RBFOX1: variants seen among roughly 807,000 people sequenced by gnomAD.
RBFOX1 encodes RNA binding protein fox-1 homolog 1.
A neutral mutation model predicts 57.7 loss-of-function variants in RBFOX1; 8 were observed. The observed-to-expected ratio is 0.14, with a 90% CI of 0.08 to 0.25. The LOEUF (loss-of-function observed/expected upper bound fraction) is 0.25. RBFOX1 is among the 10% of genes least tolerant of loss of function. The pLI is 1.00. For missense variants in RBFOX1, 611 were observed against 548.5 expected (o/e 1.11, Z -1.14); for synonymous variants, 326 against 222.4 (o/e 1.47, Z -4.15).
intron 2 of RBFOX1, among the ~76,000 whole-genome samples, chr16:6,593,183 A>G (rs914102209): frequency 7.3e-5 from 11 of 151,700 alleles, no homozygotes; most frequent in African/African-American, 2.7e-4. Context: ...CAGGAGTGAA[A>G]CTCTGTCTCA....
chr16:7,154,685 TTGTG>T (rs56742260), intron 4 of RBFOX1, among the ~76,000 whole-genome samples: 11,635 of 142,928 alleles, frequency 0.081, 501 homozygotes, highest in Middle Eastern at 0.13. Context: ...CCCTCTTCCT[TTGTG>T]TGTGTGTGTG....
Position 6,861,550 on chromosome 16 carries a change from G to C in RBFOX1, c.-15-190507G>C, listed in dbSNP as rs183965971. 1.8e-3 allele frequency among the ~76,000 whole-genome samples: 258 copies of C among 139,462 alleles called. 5 individuals carry two copies. The highest frequency in any genetic ancestry group is 0.012 in the Middle Eastern group (3 of 260). 91.5% of individuals were successfully genotyped at this position (139,462 alleles called of 152,430 possible). On this transcript the variant is annotated intron_variant, in intron 3 of 15. Transcript: ENST00000550418. Reference sequence around the variant, plus strand: ...TCTCAATGTTCCTTTAACTGGGCACGTTCAGTGTTAGCATCTTAGGCTCTC... The same window carrying C: ...TCTCAATGTTCCTTTAACTGGGCACCTTCAGTGTTAGCATCTTAGGCTCTC...
At chr16:6,122,984 T>C (rs1449141130) in intron 1 of RBFOX1, among the ~76,000 whole-genome samples, 3 of 151,560 alleles carry the variant, frequency 2.0e-5, no homozygotes, top group Non-Finnish European at 4.4e-5. Context: ...ATTGGAAATA[T>C]GTAAACTGCT....
At chr16:6,300,932 C>A (rs901632660) in intron 1 of RBFOX1, among the ~76,000 whole-genome samples, 1 of 152,154 alleles carries the variant, frequency 6.6e-6, no homozygotes. Flanking sequence ...CCTAACTGTA[C>A]CTGGCATCAT....
chr16:5,739,210 G>A (rs1365690073), intron 3 of RBFOX1, among the ~76,000 whole-genome samples: 1 of 152,212 alleles, frequency 6.6e-6, no homozygotes, highest in Admixed American at 6.5e-5. Context: ...AAGGAAGGAT[G>A]AAAGAAAAAT....
intron 1 of RBFOX1, among the ~76,000 whole-genome samples, chr16:5,346,509 C>T (rs933337460): frequency 9.9e-5 from 15 of 152,218 alleles, no homozygotes; most frequent in African/African-American, 3.1e-4. Flanking sequence ...GAGAGAGAAC[C>T]GCAAGAGCAA....
At chr16:7,561,971 G>C (rs12932136) in intron 5 of RBFOX1, among the ~76,000 whole-genome samples, 49,476 of 151,954 alleles carry the variant, frequency 0.33, 9,774 homozygotes, top group East Asian at 0.63. Context: ...CTTGATTTCT[G>C]AGTGGGACAG....
intron 1 of RBFOX1, among the ~76,000 whole-genome samples, chr16:6,106,520 C>T (rs1036194573): frequency 2.7e-5 from 4 of 147,524 alleles, no homozygotes; most frequent in African/African-American, 1.0e-4. Flanking sequence ...AAGAATAGTA[C>T]TGCGTTAGCA....
In RBFOX1 at chr16:6,875,172, T is replaced by C. The variant is rs80259423; in HGVS notation, c.-15-176885T>C. ...ATAATGCCTACAGTGCTTGTGCACA[T>C]AATCATCTTCTTTGTATTATTATAG... On this transcript the variant is annotated intron_variant, in intron 3 of 15. Coordinates refer to ENST00000550418, the MANE Select transcript of RBFOX1 (RefSeq NM_018723.4). 5.7e-3 allele frequency among the ~76,000 whole-genome samples: 870 copies of C among 152,334 alleles called. 12 individuals carry two copies. Among genetic ancestry groups the C allele is most frequent in the African/African-American group, 0.02 (822 of 41,578 alleles).
At chr16:6,624,557 G>A (rs1449666119) in intron 2 of RBFOX1, among the ~76,000 whole-genome samples, 1 of 152,142 alleles carries the variant, frequency 6.6e-6, no homozygotes, top group Non-Finnish European at 1.5e-5. Flanking sequence ...CCTTGGCAGT[G>A]AGGACGTCTT....
At chr16:7,624,648 GACTAATAAGC>G (rs2059810433) in intron 10 of RBFOX1, among the ~76,000 whole-genome samples, 1 of 152,192 alleles carries the variant, frequency 6.6e-6, no homozygotes, top group South Asian at 2.1e-4. Context: ...GAGGCAGAGG[GACTAATAAGC>G]ACTTGTGCTA....
chr16:5,242,338 A>T (rs1034605246), intron 1 of RBFOX1, among the ~76,000 whole-genome samples: 2 of 152,222 alleles, frequency 1.3e-5, no homozygotes, highest in Non-Finnish European at 2.9e-5. Flanking sequence ...CCTGAATCTG[A>T]ATATGCCACC....
At chr16:5,652,125 C>T (rs951803396) in intron 3 of RBFOX1, among the ~76,000 whole-genome samples, 3 of 152,164 alleles carry the variant, frequency 2.0e-5, no homozygotes, top group Admixed American at 1.3e-4. Flanking sequence ...CATAGTGAGA[C>T]TCCATCTAAA....
At chr16:5,935,089 A>C (rs945089065) in intron 4 of RBFOX1, among the ~76,000 whole-genome samples, 1 of 152,096 alleles carries the variant, frequency 6.6e-6, no homozygotes, top group African/African-American at 2.4e-5. Flanking sequence ...CCTTCAGCCA[A>C]CTCTTTTACT....
At chr16:6,384,315 G>A (rs2092085480) in intron 2 of RBFOX1, among the ~76,000 whole-genome samples, 1 of 152,048 alleles carries the variant, frequency 6.6e-6, no homozygotes. Context: ...CTTATTTGTG[G>A]AGGAAGATAA....
At chr16:7,341,552 C>G (rs1201793438) in intron 4 of RBFOX1, among the ~76,000 whole-genome samples, 1 of 152,140 alleles carries the variant, frequency 6.6e-6, no homozygotes, top group Admixed American at 6.6e-5. Flanking sequence ...ACCCCACTGA[C>G]CGACTCAGTA....
At chr16:7,434,109 G>A (rs1410826817) in intron 4 of RBFOX1, among the ~76,000 whole-genome samples, 1 of 152,094 alleles carries the variant, frequency 6.6e-6, no homozygotes, top group African/African-American at 2.4e-5. Context: ...GCTGATTTTG[G>A]AGAGCACGGA....
chr16:5,659,558 C>G (rs2049577796), intron 3 of RBFOX1, among the ~76,000 whole-genome samples: 1 of 152,118 alleles, frequency 6.6e-6, no homozygotes, highest in Admixed American at 6.5e-5. Context: ...CCGCCTCGGC[C>G]TCCCAAAGTG....
At position 7,186,233 on chromosome 16, in the gene RBFOX1, CATATTTATATAAACATAAACAT is replaced by C. The variant is rs2083729764; in HGVS notation, c.27+134138_27+134159del. Among the ~76,000 whole-genome samples the C allele has an allele frequency of 8.7e-5, 11 of 126,258 alleles. No individual in the cohort carries two copies. In the South Asian group the frequency reaches 2.7e-3, roughly 31 times the overall value. 82.8% of individuals were successfully genotyped at this position (126,258 alleles called of 152,430 possible). ...ATATAAATATTTATATAAACATAAA[CATATTTATATAAACATAAACAT>C]ATTTATATAAACATAAACATAAACA... On this transcript the variant is annotated intron_variant, in intron 4 of 15. Coordinates refer to ENST00000550418, the MANE Select transcript of RBFOX1 (RefSeq NM_018723.4).
Sources: allele counts gnomAD v4.1 joint callset (sites outside exome capture counted in the v4.1 genomes callset), GRCh38; gene constraint gnomAD v4.1.1; transcripts MANE v1.5; gene names NCBI Gene and HGNC (gene_info 2026-07-23, HGNC 2026-07-21).